Variants in UBE2W observed in about 807,000 individuals in gnomAD.
The protein encoded by UBE2W is ubiquitin conjugating enzyme E2 W, also known as ubiquitin-conjugating enzyme E2 W.
Under a neutral mutation model 27.2 loss-of-function variants are expected in UBE2W, and 18 were observed. The ratio of observed to expected loss-of-function variants is 0.66; its 90% CI spans 0.46 to 0.98. UBE2W has a LOEUF of 0.98. UBE2W is among the 50% of genes least tolerant of loss of function. UBE2W has a pLI of 0.00. For synonymous variants in UBE2W, 53 were observed against 57.2 expected (o/e 0.93, Z 0.33); for missense variants, 90 against 180.2 (o/e 0.50, Z 2.87).
Position 73,794,005 on chromosome 8 carries a change from C to A in UBE2W, c.*97G>T. On this transcript the variant is annotated 3_prime_UTR_variant, in exon 6 of 6. Coordinates refer to ENST00000602593, the MANE Select transcript of UBE2W (RefSeq NM_018299.6). ...GAAGTAGTCTTCATTGCCTATAGGT[C>A]ACTTCCAGTCAAAGGTTAAAGTTCA... 6.3e-7 allele frequency: 1 copy of A among 1,577,916 alleles called. No individual in the cohort carries two copies. Among genetic ancestry groups the A allele is most frequent in the South Asian group, 1.2e-5 (1 of 84,908 alleles).
At chr8:73,845,346 A>G (rs568972238) in intron 1 of UBE2W, among the ~76,000 whole-genome samples, 1 of 152,356 alleles carries the variant, frequency 6.6e-6, no homozygotes, top group East Asian at 1.9e-4. Context: ...AGGAGACTCC[A>G]TTTTGTTCCG....
intron 1 of UBE2W, among the ~76,000 whole-genome samples, chr8:73,851,646 T>TG (rs1352521671): frequency 2.0e-5 from 3 of 152,034 alleles, no homozygotes; most frequent in African/African-American, 7.2e-5. Flanking sequence ...CTGGAGAAGT[T>TG]AAGACTGAAG....
At chr8:73,833,543 G>T (rs1371503613) in intron 1 of UBE2W, among the ~76,000 whole-genome samples, 1 of 151,896 alleles carries the variant, frequency 6.6e-6, no homozygotes. Flanking sequence ...TACATATTAG[G>T]TATCCTAAAA....
At chr8:73,870,494 A>G (rs1811959765) in intron 1 of UBE2W, among the ~76,000 whole-genome samples, 3 of 152,132 alleles carry the variant, frequency 2.0e-5, no homozygotes, top group Admixed American at 2.0e-4. Flanking sequence ...AAATGAAATA[A>G]CCTGTTTTTA....
chr8:73,798,551 C>A lies in UBE2W; in HGVS notation c.443-4436G>T, dbSNP rs2130851877. Among the ~76,000 whole-genome samples the A allele has an allele frequency of 2.0e-5, 3 of 152,304 alleles. No homozygotes were observed. In the South Asian group the frequency reaches 6.2e-4, roughly 32 times the overall value. On this transcript the variant is annotated intron_variant, in intron 5 of 5. Transcript: ENST00000602593. Reference sequence around the variant, plus strand: ...AACACTTTAAGGAGAATGGTTCCAGCCAGCCACAGATCTGTCCTCCCCGCT... The same window carrying A: ...AACACTTTAAGGAGAATGGTTCCAGACAGCCACAGATCTGTCCTCCCCGCT...
intron 1 of UBE2W, among the ~76,000 whole-genome samples, chr8:73,830,726 T>C (rs1037605611): frequency 6.6e-6 from 1 of 151,904 alleles, no homozygotes; most frequent in African/African-American, 2.4e-5. Context: ...CTCAAGCAAT[T>C]CTCCCAACCT....
rs955541181 is a variant in UBE2W, at chr8:73,793,332, T to G, written c.*770A>C. ...TCTTACTTCCAAAATAAAGCCTTGA[T>G]TAAACCATTCATACCCTATATTACT... is the stretch of plus-strand genomic sequence containing the variant. On this transcript the variant is annotated 3_prime_UTR_variant, in exon 6 of 6. Transcript: ENST00000602593. 5 of 985,710 alleles carry G rather than the reference T, an allele frequency of 5.1e-6. No individual in the cohort carries two copies. Among genetic ancestry groups the G allele is most frequent in the Admixed American group, 6.2e-5 (1 of 16,254 alleles). The allele number at this position is 985,710 out of a possible 1,614,324, so 61.1% of individuals were successfully genotyped here.
chr8:73,780,691 T>C (rs1807825736), intron 4 of UBE2W, among the ~76,000 whole-genome samples: 1 of 151,938 alleles, frequency 6.6e-6, no homozygotes, highest in Admixed American at 6.6e-5. Context: ...AGCTAATTTG[T>C]TTGTATTTTT....
chr8:73,791,179 C>A lies in UBE2W; in HGVS notation c.*2923G>T. The stretch of plus-strand genomic sequence containing the variant: ...AGTGAATATTAATTCCTTAAGAGAA[C>A]CATAAAATGTATTTTTAAAAAATTC... On this transcript the variant is annotated 3_prime_UTR_variant, in exon 6 of 6. Coordinates refer to ENST00000602593, the MANE Select transcript of UBE2W (RefSeq NM_018299.6). 1.0e-6 allele frequency: 1 copy of A among 981,922 alleles called. No individual in the cohort carries two copies. The highest frequency in any genetic ancestry group is 1.2e-6 in the Non-Finnish European group (1 of 827,884). 60.8% of individuals were successfully genotyped at this position (981,922 alleles called of 1,614,324 possible).
At chr8:73,839,827 G>T (rs1370268284) in intron 1 of UBE2W, among the ~76,000 whole-genome samples, 1 of 149,636 alleles carries the variant, frequency 6.7e-6, no homozygotes, top group Non-Finnish European at 1.5e-5. Flanking sequence ...TACTTCCCGG[G>T]CTCAAGCGAT....
intron 5 of UBE2W, chr8:73,796,678 G>A (rs935601625): frequency 9.1e-6 from 9 of 984,250 alleles, no homozygotes; most frequent in East Asian, 1.1e-4. Flanking sequence ...GCGGGACTAC[G>A]AATCCATGAT....
intron 5 of UBE2W, among the ~76,000 whole-genome samples, chr8:73,801,316 C>T (rs1808632891): frequency 6.6e-6 from 1 of 152,080 alleles, no homozygotes; most frequent in South Asian, 2.1e-4. Flanking sequence ...GAACTTTCTC[C>T]ACTAGGGAGT....
intron 3 of UBE2W, among the ~76,000 whole-genome samples, chr8:73,811,271 A>T (rs1054189407): frequency 6.6e-6 from 1 of 152,154 alleles, no homozygotes; most frequent in African/African-American, 2.4e-5. Context: ...CTTTTACTCA[A>T]TTCTTCTGTA....
intron 1 of UBE2W, among the ~76,000 whole-genome samples, chr8:73,863,518 T>G (rs1161969341): frequency 6.7e-6 from 1 of 149,808 alleles, no homozygotes; most frequent in Admixed American, 6.7e-5. Flanking sequence ...GCATGGCACA[T>G]GTATACATAT....
At chr8:73,807,507 AAAAG>A (rs1350493974) in intron 4 of UBE2W, among the ~76,000 whole-genome samples, 2 of 152,218 alleles carry the variant, frequency 1.3e-5, no homozygotes, top group Non-Finnish European at 2.9e-5. Context: ...TCATTTAACA[AAAAG>A]AAACATTAGA....
rs1022874935 is a variant in UBE2W, at chr8:73,845,722, A to T, written c.16-15250T>A. ...GATCAATAAATACTAAAAAAATTTA[A>T]AAAAAAAAAGCTAATTCTAATGCCA... On this transcript the variant is annotated intron_variant, in intron 1 of 5. Coordinates refer to ENST00000602593, the MANE Select transcript of UBE2W (RefSeq NM_018299.6). 1.7e-4 allele frequency among the ~76,000 whole-genome samples: 26 copies of T among 150,684 alleles called. No individual in the cohort carries two copies. In the East Asian group the frequency reaches 2.9e-3, roughly 17 times the overall value.
intron 1 of UBE2W, among the ~76,000 whole-genome samples, chr8:73,865,927 A>T (rs1811735762): frequency 6.6e-6 from 1 of 152,152 alleles, no homozygotes; most frequent in South Asian, 2.1e-4. Context: ...AAGTCTAAAG[A>T]CTGAAGTTGA....
chr8:73,832,971 C>A (rs1332978336), intron 1 of UBE2W, among the ~76,000 whole-genome samples: 5 of 152,088 alleles, frequency 3.3e-5, no homozygotes, highest in Non-Finnish European at 5.9e-5. Flanking sequence ...GGGAGGATCG[C>A]AATGTCAAGA....
At chr8:73,804,724 C>T (rs1563577151) in intron 5 of UBE2W, among the ~76,000 whole-genome samples, 3 of 145,406 alleles carry the variant, frequency 2.1e-5, no homozygotes, top group Non-Finnish European at 1.5e-5. Context: ...GTAACTAGTT[C>T]TTTTTTTTTT....
Sources: allele counts gnomAD v4.1 joint callset (sites outside exome capture counted in the v4.1 genomes callset), GRCh38; gene constraint gnomAD v4.1.1; transcripts MANE v1.5; gene names NCBI Gene and HGNC (gene_info 2026-07-23, HGNC 2026-07-21).